The following SYN3 variants were observed in gnomAD, a reference collection of about 807,000 sequenced individuals.
The protein encoded by SYN3 is synapsin-3.
A neutral mutation model predicts 65.8 loss-of-function variants in SYN3; 35 were observed. That is an observed-to-expected ratio of 0.53 (90% CI 0.41 to 0.70). SYN3 has a LOEUF of 0.70. SYN3 is among the 30% of genes least tolerant of loss of function. The pLI, the probability that SYN3 is intolerant of heterozygous loss-of-function variation, is 0.00. For synonymous variants in SYN3, 270 were observed against 292.9 expected (o/e 0.92, Z 0.80); for missense variants, 680 against 749.0 (o/e 0.91, Z 1.08).
intron 6 of SYN3, among the ~76,000 whole-genome samples, chr22:32,661,122 G>A (rs373871675): frequency 0.01 from 1,570 of 152,314 alleles, 8 homozygotes; most frequent in South Asian, 0.023. Context: ...CTTTAATCTG[G>A]GATTTTTACA....
At chr22:32,653,287 G>A (rs2060098760) in intron 6 of SYN3, among the ~76,000 whole-genome samples, 1 of 151,620 alleles carries the variant, frequency 6.6e-6, no homozygotes, top group Non-Finnish European at 1.5e-5. Flanking sequence ...AAGGTATGAT[G>A]GGCCAAGATG....
At chr22:32,909,107 C>T (rs761845022) in intron 4 of SYN3, among the ~76,000 whole-genome samples, 1 of 152,144 alleles carries the variant, frequency 6.6e-6, no homozygotes, top group Non-Finnish European at 1.5e-5. Context: ...GCATGCTAAA[C>T]CCTGGGAAAG....
chr22:32,954,186 C>T (rs965927793), intron 3 of SYN3, among the ~76,000 whole-genome samples: 4 of 152,120 alleles, frequency 2.6e-5, no homozygotes, highest in African/African-American at 9.7e-5. Flanking sequence ...ACATCCATTG[C>T]CCTTTGCCCT....
chr22:32,972,991 A>T (rs2052066877), intron 3 of SYN3, among the ~76,000 whole-genome samples: 1 of 152,132 alleles, frequency 6.6e-6, no homozygotes. Flanking sequence ...CCTGGGTGAA[A>T]GAGGGGGACC....
At chr22:32,960,473 A>T (rs908811112) in intron 3 of SYN3, among the ~76,000 whole-genome samples, 6 of 152,156 alleles carry the variant, frequency 3.9e-5, no homozygotes, top group African/African-American at 1.4e-4. Context: ...CTGTCTACGA[A>T]CAATCATGGT....
chr22:32,940,325 T>C (rs1008145168), intron 3 of SYN3, among the ~76,000 whole-genome samples: 2 of 152,212 alleles, frequency 1.3e-5, no homozygotes, highest in African/African-American at 4.8e-5. Context: ...TTAACTTTCT[T>C]AGTTTTTTAA....
At chr22:33,050,355 C>T (rs915378576) in intron 1 of SYN3, among the ~76,000 whole-genome samples, 5 of 151,788 alleles carry the variant, frequency 3.3e-5, no homozygotes, top group East Asian at 1.9e-4. Context: ...TGGTGGTGCA[C>T]GTCAGTAGTC....
intron 7 of SYN3, among the ~76,000 whole-genome samples, chr22:32,547,281 G>A (rs1156951964): frequency 3.3e-5 from 5 of 152,040 alleles, no homozygotes; most frequent in East Asian, 1.9e-4. Context: ...CACCATGCCC[G>A]GCCACTCTTC....
chr22:33,054,383 T>C (rs1423358184), intron 1 of SYN3, among the ~76,000 whole-genome samples: 1 of 152,152 alleles, frequency 6.6e-6, no homozygotes, highest in Admixed American at 6.5e-5. Context: ...CCACCCAACT[T>C]TTGTTTGTTT....
At chr22:32,955,135 A>G (rs1188520061) in intron 3 of SYN3, among the ~76,000 whole-genome samples, 1 of 152,076 alleles carries the variant, frequency 6.6e-6, no homozygotes, top group Non-Finnish European at 1.5e-5. Flanking sequence ...TCCAGGGAAC[A>G]GCCCTGCACC....
intron 6 of SYN3, among the ~76,000 whole-genome samples, chr22:32,778,501 C>A (rs547982034): frequency 2.5e-4 from 38 of 152,214 alleles, no homozygotes; most frequent in African/African-American, 8.9e-4. Flanking sequence ...ACCATGTTAG[C>A]CAGGCTGGTC....
At chr22:32,688,060 A>C (rs867742944) in intron 6 of SYN3, among the ~76,000 whole-genome samples, 12 of 152,312 alleles carry the variant, frequency 7.9e-5, no homozygotes, top group African/African-American at 2.9e-4. Context: ...GTCTTGTTCA[A>C]TTCTGTATAT....
At chr22:32,779,341 T>C (rs112718866) in intron 6 of SYN3, among the ~76,000 whole-genome samples, 26,479 of 152,032 alleles carry the variant, frequency 0.17, 2,511 homozygotes, top group African/African-American at 0.25. Flanking sequence ...ACGCCTGCAG[T>C]CCCAGCTACT....
chr22:32,686,589 CA>C lies in SYN3; in HGVS notation c.712-89854del, dbSNP rs1373582871. On this transcript the variant is annotated intron_variant, in intron 6 of 13. Coordinates refer to ENST00000358763, the MANE Select transcript of SYN3 (RefSeq NM_003490.4). The stretch of plus-strand genomic sequence containing the variant: ...AGATTTTCCAGTCCAGCTGCTCCTC[CA>C]TTTTTTTTTTTTTTTTTTTTTTTTG... 3.3e-3 allele frequency among the ~76,000 whole-genome samples: 418 copies of C among 126,918 alleles called. 1 individual carries two copies. Among genetic ancestry groups the C allele is most frequent in the African/African-American group, 0.012 (390 of 31,274 alleles). 83.3% of individuals were successfully genotyped at this position (126,918 alleles called of 152,430 possible).
Position 32,627,079 on chromosome 22 carries a change from C to T in SYN3, c.712-30343G>A, listed in dbSNP as rs1007555298. The stretch of plus-strand genomic sequence containing the variant: ...CACTGGCTGGGGCGTCGAGGGGTAG[C>T]GAGCTGTGCGGTTCCTCCTTCCCTC... On this transcript the variant is annotated intron_variant, in intron 6 of 13. Transcript: ENST00000358763. Among the ~76,000 whole-genome samples, 17 of 152,216 alleles carry T rather than the reference C, an allele frequency of 1.1e-4. No homozygotes were observed. In the South Asian group the frequency reaches 3.5e-3, roughly 32 times the overall value.
chr22:32,803,298 G>A (rs2046641392), intron 6 of SYN3, among the ~76,000 whole-genome samples: 1 of 152,072 alleles, frequency 6.6e-6, no homozygotes, highest in Non-Finnish European at 1.5e-5. Flanking sequence ...CTGAGTCTTG[G>A]GTGAGGGACT....
intron 6 of SYN3, among the ~76,000 whole-genome samples, chr22:32,623,803 T>G (rs2858223): frequency 0.46 from 70,691 of 152,064 alleles, 17,003 homozygotes; most frequent in Non-Finnish European, 0.53. Context: ...AGAGGGGACT[T>G]GGGTCCAGGG....
intron 7 of SYN3, among the ~76,000 whole-genome samples, chr22:32,581,223 C>G (rs2058936414): frequency 6.6e-6 from 1 of 152,204 alleles, no homozygotes; most frequent in East Asian, 1.9e-4. Context: ...AATTCTTGTG[C>G]TTCAGCTTCC....
At position 32,931,439 on chromosome 22, in the gene SYN3, C is replaced by T. The variant is rs527740515; in HGVS notation, c.412G>A (p.Gly138Ser). 4 of 1,613,928 alleles carry T rather than the reference C, an allele frequency of 2.5e-6. No individual in the cohort carries two copies. The African/African-American group carries it at 5.3e-5, about 22-fold the overall frequency. The change falls in exon 4 of 14, where the codon GGC becomes AGC. Residue 138 changes from glycine to serine, a missense_variant. Gly to Ser is a moderately conservative substitution (Grantham distance 56). Coordinates refer to ENST00000358763, the MANE Select transcript of SYN3 (RefSeq NM_003490.4). ...ACGACCTGCATGTCCACCATGCAGC[C>T]CCCGGTCACATAGGCAGCTAGGTTC... ...ELNLAAYVTG[G>S]CMVDMQVVRN...
Sources: gnomAD v4.1 joint callset for allele counts (sites outside exome capture counted in the v4.1 genomes callset) on GRCh38, gnomAD v4.1.1 for gene constraint, MANE v1.5 for transcripts, NCBI Gene and HGNC (gene_info 2026-07-23, HGNC 2026-07-21) for gene names.